The following CADPS2 variants were observed in gnomAD, a reference collection of about 807,000 sequenced individuals.
The protein encoded by CADPS2 is calcium-dependent secretion activator 2.
In CADPS2, 93 loss-of-function variants were observed where a neutral mutation model predicts 172.5. The observed-to-expected ratio is 0.54, with a 90% confidence interval of 0.46 to 0.64. The LOEUF is 0.64. Ranked by LOEUF, CADPS2 falls within the 30% of genes least tolerant of loss-of-function variation. The pLI is 0.00. For synonymous variants in CADPS2, 546 were observed against 555.2 expected (o/e 0.98, Z 0.23); for missense variants, 1,420 against 1,565.9 (o/e 0.91, Z 1.57).
intron 6 of CADPS2, among the ~76,000 whole-genome samples, chr7:122,597,227 G>A (rs1454502123): frequency 6.6e-6 from 1 of 151,982 alleles, no homozygotes; most frequent in Non-Finnish European, 1.5e-5. Context: ...TAAACTTTTT[G>A]AGTATCTGTT....
At chr7:122,369,126 TTCCC>T (rs765340341) in intron 25 of CADPS2, among the ~76,000 whole-genome samples, 17,114 of 58,714 alleles carry the variant, frequency 0.29, 1,664 homozygotes, top group Non-Finnish European at 0.41. Context: ...GAATTTTTGT[TTCCC>T]CCCCCCCCCC....
intron 27 of CADPS2, among the ~76,000 whole-genome samples, chr7:122,349,374 A>AT (rs1159750874): frequency 6.6e-6 from 1 of 152,088 alleles, no homozygotes; most frequent in Non-Finnish European, 1.5e-5. Context: ...GGAGTAAATT[A>AT]TTTTTTTCAT....
intron 15 of CADPS2, among the ~76,000 whole-genome samples, chr7:122,449,752 G>C (rs1024566959): frequency 6.6e-6 from 1 of 152,172 alleles, no homozygotes; most frequent in Admixed American, 6.5e-5. Flanking sequence ...GTTGAATTCA[G>C]CTATGCTATC....
At chr7:122,568,979 G>A (rs1158992476) in intron 7 of CADPS2, among the ~76,000 whole-genome samples, 3 of 152,152 alleles carry the variant, frequency 2.0e-5, no homozygotes, top group Admixed American at 6.6e-5. Context: ...ACAAGACAGG[G>A]ATGCCCTCTC....
chr7:122,807,968 C>A (rs930294334), intron 1 of CADPS2, among the ~76,000 whole-genome samples: 2 of 152,172 alleles, frequency 1.3e-5, no homozygotes, highest in Non-Finnish European at 2.9e-5. Context: ...ATAAAGTTTT[C>A]ACTGTAGATG....
At chr7:122,776,649 G>A (rs1318444407) in intron 1 of CADPS2, among the ~76,000 whole-genome samples, 1 of 152,038 alleles carries the variant, frequency 6.6e-6, no homozygotes, top group East Asian at 1.9e-4. Context: ...GACTTAGAGT[G>A]CTCAGAAGAC....
At chr7:122,526,747 G>C (rs893423117) in intron 8 of CADPS2, among the ~76,000 whole-genome samples, 1 of 152,056 alleles carries the variant, frequency 6.6e-6, no homozygotes, top group Non-Finnish European at 1.5e-5. Flanking sequence ...TTGCTAATTA[G>C]GTCATATTCC....
At chr7:122,717,473 C>T (rs1414385307) in intron 2 of CADPS2, among the ~76,000 whole-genome samples, 3 of 152,116 alleles carry the variant, frequency 2.0e-5, no homozygotes, top group Non-Finnish European at 2.9e-5. Context: ...TTACTTATGA[C>T]ACAACTTACA....
chr7:122,677,633 C>CT (rs545233583), intron 2 of CADPS2, among the ~76,000 whole-genome samples: 280 of 152,196 alleles, frequency 1.8e-3, no homozygotes, highest in African/African-American at 6.0e-3. Flanking sequence ...TAGTATTTAT[C>CT]TTAAAGGTAA....
chr7:122,610,466 T>C (rs1182244109), intron 6 of CADPS2, among the ~76,000 whole-genome samples: 1 of 151,992 alleles, frequency 6.6e-6, no homozygotes, highest in Non-Finnish European at 1.5e-5. Flanking sequence ...GACTACATAT[T>C]GCATGATTCC....
At chr7:122,781,932 T>C (rs1021836838) in intron 1 of CADPS2, among the ~76,000 whole-genome samples, 13 of 152,178 alleles carry the variant, frequency 8.5e-5, no homozygotes, top group African/African-American at 2.9e-4. Flanking sequence ...TGTCTTGACA[T>C]TTACATGCTA....
At chr7:122,862,747 A>G (rs867635643) in intron 1 of CADPS2, among the ~76,000 whole-genome samples, 3 of 152,294 alleles carry the variant, frequency 2.0e-5, no homozygotes, top group Middle Eastern at 3.4e-3. Flanking sequence ...AAAAAAGAAT[A>G]ACCCTTTTTG....
At chr7:122,557,627 A>G (rs2065195906) in intron 7 of CADPS2, among the ~76,000 whole-genome samples, 1 of 152,156 alleles carries the variant, frequency 6.6e-6, no homozygotes, top group South Asian at 2.1e-4. Context: ...TGACACAGAT[A>G]TTGGACTGGA....
chr7:122,577,645 C>T (rs762982952), intron 7 of CADPS2, among the ~76,000 whole-genome samples: 1 of 152,144 alleles, frequency 6.6e-6, no homozygotes, highest in Non-Finnish European at 1.5e-5. Flanking sequence ...TGTGTTGACA[C>T]AACCTTCATA....
At chr7:122,610,669 A>G (rs2074182784) in intron 6 of CADPS2, among the ~76,000 whole-genome samples, 1 of 152,152 alleles carries the variant, frequency 6.6e-6, no homozygotes, top group African/African-American at 2.4e-5. Flanking sequence ...CATCTAATCT[A>G]CAATAGATGA....
At chr7:122,436,251 C>T (rs374580767) in intron 17 of CADPS2, 115 of 512,524 alleles carry the variant, frequency 2.2e-4, no homozygotes, top group South Asian at 3.6e-4. Context: ...AAGTTGTGTA[C>T]ATTAAATATG....
At position 122,320,095 on chromosome 7, in the gene CADPS2, A is replaced by T; in HGVS notation, c.*70T>A. Reference sequence around the variant, plus strand: ...AAAACAAACAATGAATGTAATTACAAGGACAAGGTTAAAAAAATAAAAAAC... The same window carrying T: ...AAAACAAACAATGAATGTAATTACATGGACAAGGTTAAAAAAATAAAAAAC... On this transcript the variant is annotated 3_prime_UTR_variant, in exon 30 of 30. Transcript: ENST00000449022. 7.6e-7 allele frequency: 1 copy of T among 1,323,466 alleles called. No homozygotes were observed. The highest frequency in any genetic ancestry group is 9.9e-7 in the Non-Finnish European group (1 of 1,014,302). The allele number at this position is 1,323,466 out of a possible 1,614,324, so 82.0% of individuals were successfully genotyped here.
intron 17 of CADPS2, among the ~76,000 whole-genome samples, chr7:122,426,833 G>A (rs1461986873): frequency 2.6e-5 from 4 of 152,232 alleles, no homozygotes; most frequent in South Asian, 2.1e-4. Flanking sequence ...AATTGCTTGC[G>A]AAAGGAAGAA....
At chr7:122,745,373 G>C (rs563258386) in intron 1 of CADPS2, among the ~76,000 whole-genome samples, 5 of 151,564 alleles carry the variant, frequency 3.3e-5, no homozygotes, top group African/African-American at 1.2e-4. Flanking sequence ...ACTTAACCTC[G>C]CATCTAGTAA....
Sources: gnomAD v4.1 joint callset for allele counts (sites outside exome capture counted in the v4.1 genomes callset) on GRCh38, gnomAD v4.1.1 for gene constraint, MANE v1.5 for transcripts, NCBI Gene and HGNC (gene_info 2026-07-23, HGNC 2026-07-21) for gene names.